The following KIFAP3 variants were observed in gnomAD, a reference collection of about 807,000 sequenced individuals.
The protein encoded by KIFAP3 is kinesin-associated protein 3.
Under a neutral mutation model 106.5 loss-of-function variants are expected in KIFAP3, and 68 were observed. The observed-to-expected ratio is 0.64, with a 90% CI of 0.53 to 0.78. The LOEUF is 0.78. Among genes scored for constraint, KIFAP3 ranks in the 30% least tolerant of loss-of-function variants. The pLI, the probability that KIFAP3 is intolerant of heterozygous loss-of-function variation, is 0.00. For synonymous variants in KIFAP3, 320 were observed against 311.5 expected (o/e 1.03, Z -0.29); for missense variants, 780 against 941.8 (o/e 0.83, Z 2.25).
intron 17 of KIFAP3, among the ~76,000 whole-genome samples, chr1:169,967,379 G>A (rs959533471): frequency 5.3e-5 from 8 of 151,504 alleles, no homozygotes; most frequent in Non-Finnish European, 1.2e-4. Context: ...ACCATCATTC[G>A]GGAATCTCTA....
chr1:169,971,903 T>C (rs1665943438), intron 17 of KIFAP3, among the ~76,000 whole-genome samples: 1 of 151,870 alleles, frequency 6.6e-6, no homozygotes, highest in Non-Finnish European at 1.5e-5. Flanking sequence ...AAGGCCCAAA[T>C]CCAGGCAGAA....
At chr1:170,052,118 A>T (rs968656470) in intron 2 of KIFAP3, among the ~76,000 whole-genome samples, 1 of 152,172 alleles carries the variant, frequency 6.6e-6, no homozygotes, top group East Asian at 1.9e-4. Context: ...AAGACAGAAA[A>T]ATCAAATTGA....
intron 15 of KIFAP3, among the ~76,000 whole-genome samples, chr1:169,980,552 T>G (rs1666464141): frequency 6.6e-6 from 1 of 152,160 alleles, no homozygotes; most frequent in South Asian, 2.1e-4. Flanking sequence ...GCTAATTAAA[T>G]TAATTCAAAA....
intron 1 of KIFAP3, among the ~76,000 whole-genome samples, chr1:170,058,889 A>C (rs1670989116): frequency 6.6e-6 from 1 of 151,972 alleles, no homozygotes; most frequent in Non-Finnish European, 1.5e-5. Flanking sequence ...ACATATGAAA[A>C]CGTCTCAGGT....
chr1:169,983,422 T>A, intron 12 of KIFAP3, 40 bp from the exon 13 acceptor site: 1 of 1,362,912 alleles, frequency 7.3e-7, no homozygotes, highest in Non-Finnish European at 1.0e-6. Flanking sequence ...AAGGTTAGCT[T>A]AAGTTTAATA....
At chr1:170,067,344 C>A (rs1349375442) in intron 1 of KIFAP3, among the ~76,000 whole-genome samples, 1 of 152,214 alleles carries the variant, frequency 6.6e-6, no homozygotes, top group African/African-American at 2.4e-5. Context: ...GAGGCTGGCA[C>A]TCCCCAGAAG....
At chr1:169,973,389 A>G (rs1666040092) in intron 16 of KIFAP3, among the ~76,000 whole-genome samples, 1 of 150,068 alleles carries the variant, frequency 6.7e-6, no homozygotes, top group Non-Finnish European at 1.5e-5. Flanking sequence ...AAGAAAACCA[A>G]TGTAACAGAA....
chr1:169,921,591 T>G lies in KIFAP3; in HGVS notation c.*85A>C. ...ACACAGACCCACAATAACATCAACATGCATTATTAGGCAAAGATCCAAAAT... is the reference window on the plus strand; with the variant it reads ...ACACAGACCCACAATAACATCAACAGGCATTATTAGGCAAAGATCCAAAAT... On this transcript the variant is annotated 3_prime_UTR_variant, in exon 20 of 20. Coordinates refer to ENST00000361580, the MANE Select transcript of KIFAP3 (RefSeq NM_014970.4). 3 of 959,368 alleles carry G rather than the reference T, an allele frequency of 3.1e-6. No individual in the cohort carries two copies. The highest frequency in any genetic ancestry group is 4.9e-6 in the Non-Finnish European group (3 of 606,208). The allele number at this position is 959,368 out of a possible 1,614,324, so 59.4% of individuals were successfully genotyped here.
intron 8 of KIFAP3, among the ~76,000 whole-genome samples, chr1:170,028,007 T>C (rs1669205343): frequency 6.6e-6 from 1 of 152,074 alleles, no homozygotes; most frequent in Non-Finnish European, 1.5e-5. Flanking sequence ...AGCAACATCC[T>C]TACAGTATTA....
At chr1:169,978,570 A>G (rs1383360696) in intron 15 of KIFAP3, among the ~76,000 whole-genome samples, 4 of 152,116 alleles carry the variant, frequency 2.6e-5, no homozygotes, top group Non-Finnish European at 5.9e-5. Flanking sequence ...TGCATGAAAT[A>G]ATAAGTAATT....
intron 3 of KIFAP3, among the ~76,000 whole-genome samples, chr1:170,042,141 C>T (rs1164816720): frequency 6.6e-6 from 1 of 152,152 alleles, no homozygotes; most frequent in African/African-American, 2.4e-5. Context: ...CTTTGTTATG[C>T]GTATATTGTA....
At chr1:170,046,655 A>C (rs531013304) in intron 3 of KIFAP3, 57 bp downstream of exon 3, 14 of 1,325,568 alleles carry the variant, frequency 1.1e-5, no homozygotes, top group Admixed American at 2.8e-5. Context: ...TTGCTTGATG[A>C]ACTATAATCA....
Position 169,954,082 on chromosome 1 carries a change from T to C in KIFAP3, c.2202A>G (p.Ile734Met). The change falls in exon 19 of 20, where the codon ATA (isoleucine) becomes ATG (methionine). Residue 734 changes from isoleucine (I) to methionine (M), a missense_variant. Around this residue, in one of 3 missense-constraint regions of KIFAP3, gnomAD observed 114 missense variants for 122.3 expected, o/e 0.93. Coordinates refer to ENST00000361580, the MANE Select transcript of KIFAP3 (RefSeq NM_014970.4). ...SDGLIASEGA[I>M]SPDFFNDYHL... ...GGTAATCATTGAAGAAATCGGGACTTATGGCTCCTTCAGAGGCAATTAATC... is the reference window on the plus strand; with the variant it reads ...GGTAATCATTGAAGAAATCGGGACTCATGGCTCCTTCAGAGGCAATTAATC... 3 of 1,612,656 alleles carry C rather than the reference T, an allele frequency of 1.9e-6. No homozygotes were observed. The highest frequency in any genetic ancestry group is 2.5e-6 in the Non-Finnish European group (3 of 1,178,842).
intron 1 of KIFAP3, among the ~76,000 whole-genome samples, chr1:170,066,261 T>C (rs567351655): frequency 2.7e-5 from 4 of 150,906 alleles, no homozygotes; most frequent in Non-Finnish European, 5.9e-5. Context: ...TCATAATTTT[T>C]GCTTTCAAGT....
chr1:169,921,880 C>G, intron 19 of KIFAP3, 99 bp from the exon 20 acceptor site: 2 of 858,882 alleles, frequency 2.3e-6, no homozygotes, highest in Non-Finnish European at 3.7e-6. Context: ...GATTCTCTTC[C>G]TAGCAGGGAT....
intron 18 of KIFAP3, among the ~76,000 whole-genome samples, chr1:169,955,774 TG>T (rs1261878515): frequency 1.3e-5 from 2 of 152,160 alleles, no homozygotes; most frequent in African/African-American, 4.8e-5. Flanking sequence ...CTTAAGAGAT[TG>T]CTTGAGTTTC....
At chr1:169,948,505 A>C (rs1172941398) in intron 19 of KIFAP3, among the ~76,000 whole-genome samples, 1 of 145,732 alleles carries the variant, frequency 6.9e-6, no homozygotes. Context: ...GGTTTTTAGC[A>C]ATTAGGTTAG....
chr1:169,965,476 C>G (rs1169152933), intron 17 of KIFAP3, among the ~76,000 whole-genome samples: 2 of 151,894 alleles, frequency 1.3e-5, no homozygotes, highest in Non-Finnish European at 2.9e-5. Context: ...CTACTAATAC[C>G]TGTGAAATGT....
intron 11 of KIFAP3, among the ~76,000 whole-genome samples, chr1:169,987,022 A>T (rs1666861183): frequency 1.3e-5 from 2 of 152,086 alleles, no homozygotes; most frequent in South Asian, 4.1e-4. Flanking sequence ...TATAAATGGA[A>T]TGCATAATGA....
Sources: allele counts gnomAD v4.1 joint callset (sites outside exome capture counted in the v4.1 genomes callset), GRCh38; gene constraint gnomAD v4.1.1; regional missense constraint gnomAD v4.1.1; transcripts MANE v1.5; gene names NCBI Gene and HGNC (gene_info 2026-07-23, HGNC 2026-07-21).